Variants in PACSIN2 observed in about 807,000 individuals in gnomAD.
PACSIN2 encodes the protein protein kinase C and casein kinase substrate in neurons protein 2.
A neutral mutation model predicts 63.8 loss-of-function variants in PACSIN2; 25 were observed. That is an observed-to-expected ratio of 0.39 (90% CI 0.29 to 0.55). The LOEUF (loss-of-function observed/expected upper bound fraction) is 0.55, where lower values mean the gene tolerates loss of function less well. PACSIN2 is among the 20% of genes least tolerant of loss of function. The pLI is 0.62. For missense variants in PACSIN2, 518 were observed against 646.9 expected, an observed-to-expected ratio of 0.80 and a Z score of 2.16; for synonymous variants, 255 against 256.2, an observed-to-expected ratio of 1.00 and a Z score of 0.05.
intron 1 of PACSIN2, among the ~76,000 whole-genome samples, chr22:42,934,923 T>C (rs1247316803): frequency 2.0e-5 from 3 of 151,622 alleles, no homozygotes; most frequent in Non-Finnish European, 4.4e-5. Context: ...TTTTTCTTTT[T>C]CTTTTTTTTT....
At chr22:42,874,871 A>T (rs2092665) in intron 10 of PACSIN2, among the ~76,000 whole-genome samples, 3 of 136,646 alleles carry the variant, frequency 2.2e-5, no homozygotes, top group Non-Finnish European at 1.6e-5. Context: ...TTTTTTTTGA[A>T]AAAGAGTTTT....
At chr22:42,999,240 C>A (rs976915733) in intron 1 of PACSIN2, among the ~76,000 whole-genome samples, 1 of 152,246 alleles carries the variant, frequency 6.6e-6, no homozygotes, top group Non-Finnish European at 1.5e-5. Flanking sequence ...GCATGCTCCC[C>A]CTCCTGTAAG....
chr22:42,894,390 A>G (rs1460084393), intron 2 of PACSIN2, among the ~76,000 whole-genome samples: 1 of 152,172 alleles, frequency 6.6e-6, no homozygotes, highest in Non-Finnish European at 1.5e-5. Flanking sequence ...ACAGGCACGC[A>G]TGCCATCACA....
chr22:42,935,082 A>ATTTTTT (rs780923075), intron 1 of PACSIN2, among the ~76,000 whole-genome samples: 1 of 139,932 alleles, frequency 7.1e-6, no homozygotes, highest in Non-Finnish European at 1.5e-5. Context: ...CGCCCGGCTA[A>ATTTTTT]TTTTTTTTTT....
intron 1 of PACSIN2, among the ~76,000 whole-genome samples, chr22:42,965,055 C>A (rs1920941405): frequency 1.3e-5 from 2 of 152,176 alleles, no homozygotes; most frequent in African/African-American, 4.8e-5. Context: ...ACATCAAAAC[C>A]CAACTGTGTG....
chr22:42,976,764 C>T (rs900264286), intron 1 of PACSIN2, among the ~76,000 whole-genome samples: 5 of 152,176 alleles, frequency 3.3e-5, no homozygotes, highest in African/African-American at 9.7e-5. Context: ...TACCCCATTT[C>T]GTCCTTCCAT....
At chr22:42,874,164 T>C (rs1928390521) in intron 10 of PACSIN2, among the ~76,000 whole-genome samples, 2 of 151,998 alleles carry the variant, frequency 1.3e-5, no homozygotes, top group African/African-American at 2.4e-5. Flanking sequence ...AAGATTCCTA[T>C]AGTGGGTGGG....
At chr22:42,936,667 T>G (rs1232807530) in intron 1 of PACSIN2, among the ~76,000 whole-genome samples, 1 of 152,168 alleles carries the variant, frequency 6.6e-6, no homozygotes, top group Non-Finnish European at 1.5e-5. Context: ...TCCCAGCACT[T>G]TGGAAGGTCC....
At chr22:42,971,542 GC>G (rs1353867739) in intron 1 of PACSIN2, among the ~76,000 whole-genome samples, 1 of 152,086 alleles carries the variant, frequency 6.6e-6, no homozygotes, top group Non-Finnish European at 1.5e-5. Context: ...CTGCCTGGCA[GC>G]CCATCGTCTG....
rs148032156 is a variant in PACSIN2 at position 42,897,332 on chromosome 22, C to T, written c.61-3719G>A. Among the ~76,000 whole-genome samples the T allele has an allele frequency of 4.5e-3, 680 of 152,224 alleles. 20 individuals carry two copies. The highest frequency in any genetic ancestry group is 1.1e-3 in the Non-Finnish European group (74 of 68,018). ...ATTAATTTTCAAATATTTGACAAAT[C>T]GATCATACATTAAAATCAGCACATA... On this transcript the variant is annotated intron_variant, in intron 2 of 10. Transcript: ENST00000263246.
At position 42,876,920 on chromosome 22, in the gene PACSIN2, G is replaced by T; in HGVS notation, c.1119C>A (p.Thr373=). 1 of 1,614,128 alleles carries T rather than the reference G, an allele frequency of 6.2e-7. No individual in the cohort carries two copies. Among genetic ancestry groups the T allele is most frequent in the Non-Finnish European group, 8.5e-7 (1 of 1,179,996 alleles). The change falls in exon 9 of 11, where the codon ACC becomes ACA. Residue 373 remains threonine, a synonymous_variant. Coordinates refer to ENST00000263246, the MANE Select transcript of PACSIN2 (RefSeq NM_001184970.3). ...PFEDEDDTGS[T]VSEKDDTKAK... ...CCTTAGTGTCGTCCTTCTCACTGAC[G>T]GTGCTGCCCGTGTCGTCCTCATCCT...
At chr22:42,879,933 C>T (rs373552992) in intron 7 of PACSIN2, among the ~76,000 whole-genome samples, 24 of 152,240 alleles carry the variant, frequency 1.6e-4, no homozygotes, top group African/African-American at 4.8e-4. Flanking sequence ...AAGCAGAGTA[C>T]GCTCCTCCTG....
intron 1 of PACSIN2, among the ~76,000 whole-genome samples, chr22:42,931,428 T>C (rs961543532): frequency 6.6e-6 from 1 of 152,056 alleles, no homozygotes; most frequent in African/African-American, 2.4e-5. Context: ...AAGGTGAACC[T>C]TGGATGGGAA....
chr22:42,942,694 T>C (rs369062100), intron 1 of PACSIN2, among the ~76,000 whole-genome samples: 2 of 152,342 alleles, frequency 1.3e-5, no homozygotes, highest in African/African-American at 2.4e-5. Context: ...TGGCTTAGCA[T>C]CCTTGTCCAA....
intron 1 of PACSIN2, among the ~76,000 whole-genome samples, chr22:42,937,445 C>A (rs751604971): frequency 6.6e-6 from 1 of 152,032 alleles, no homozygotes; most frequent in African/African-American, 2.4e-5. Context: ...AAACGGGCAC[C>A]GAAGACAAAA....
chr22:42,978,873 A>C (rs1921880035), intron 1 of PACSIN2, among the ~76,000 whole-genome samples: 1 of 151,704 alleles, frequency 6.6e-6, no homozygotes, highest in Non-Finnish European at 1.5e-5. Flanking sequence ...AAATCTCCCT[A>C]CTCCTTCAAA....
At chr22:42,957,323 T>C (rs1358802981) in intron 1 of PACSIN2, among the ~76,000 whole-genome samples, 1 of 152,242 alleles carries the variant, frequency 6.6e-6, no homozygotes, top group African/African-American at 2.4e-5. Flanking sequence ...AAAGTGCCAG[T>C]TTTCCTGAAG....
intron 7 of PACSIN2, among the ~76,000 whole-genome samples, chr22:42,881,287 T>C (rs1602174303): frequency 1.3e-5 from 2 of 152,220 alleles, no homozygotes; most frequent in Non-Finnish European, 2.9e-5. Flanking sequence ...GTCACCATGT[T>C]CCCTAACAGC....
chr22:42,910,909 A>T (rs1601505324), intron 2 of PACSIN2, among the ~76,000 whole-genome samples: 1 of 147,016 alleles, frequency 6.8e-6, no homozygotes, highest in African/African-American at 2.5e-5. Context: ...TTAACACATA[A>T]TTTTTTTTTT....
Sources: allele counts gnomAD v4.1 joint callset (sites outside exome capture counted in the v4.1 genomes callset), GRCh38; gene constraint gnomAD v4.1.1; transcripts MANE v1.5; gene names NCBI Gene and HGNC (gene_info 2026-07-23, HGNC 2026-07-21).